The following VPS13B variants were observed in gnomAD, a reference collection of about 807,000 sequenced individuals.
The protein encoded by VPS13B is intermembrane lipid transfer protein VPS13B.
In VPS13B, 285 loss-of-function variants were observed where a neutral mutation model predicts 426.4. That is an observed-to-expected ratio of 0.67 (90% CI 0.61 to 0.74). VPS13B has a LOEUF of 0.74. VPS13B is among the 30% of genes least tolerant of loss of function. VPS13B has a pLI of 0.00. For missense variants in VPS13B, 4,537 were observed against 4,782.6 expected, an observed-to-expected ratio of 0.95 and a Z score of 1.51; for synonymous variants, 1,676 against 1,676.4, an observed-to-expected ratio of 1.00 and a Z score of 0.01.
intron 5 of VPS13B, among the ~76,000 whole-genome samples, chr8:99,110,757 T>C (rs1847316322): frequency 6.6e-6 from 1 of 151,930 alleles, no homozygotes; most frequent in East Asian, 1.9e-4. Context: ...TTAAGAATTT[T>C]ATTGTTATCT....
At chr8:99,327,100 T>A (rs1563669774) in intron 19 of VPS13B, among the ~76,000 whole-genome samples, 1 of 152,298 alleles carries the variant, frequency 6.6e-6, no homozygotes, top group Non-Finnish European at 1.5e-5. Flanking sequence ...TTCTTTAATC[T>A]TAAACAAAGG....
chr8:99,661,287 A>G, intron 34 of VPS13B, 67 bp from the exon 35 acceptor site: 1 of 1,590,302 alleles, frequency 6.3e-7, no homozygotes, highest in Non-Finnish European at 8.6e-7. Flanking sequence ...ATTAACTCAA[A>G]CTCATATATC....
chr8:99,736,827 A>G (rs1328600794), intron 39 of VPS13B, among the ~76,000 whole-genome samples: 1 of 152,182 alleles, frequency 6.6e-6, no homozygotes, highest in Non-Finnish European at 1.5e-5. Flanking sequence ...TTTATGTAAT[A>G]ATCTCGTTCA....
chr8:99,134,432 A>G (rs1809964121), intron 8 of VPS13B, among the ~76,000 whole-genome samples, 200 bp from the exon 9 acceptor site: 1 of 152,146 alleles, frequency 6.6e-6, no homozygotes, highest in South Asian at 2.1e-4. Context: ...AATTCTCTAT[A>G]TACGTTGAGA....
intron 17 of VPS13B, among the ~76,000 whole-genome samples, chr8:99,270,113 T>A (rs1254515939): frequency 3.5e-5 from 5 of 141,292 alleles, no homozygotes; most frequent in African/African-American, 1.3e-4. Flanking sequence ...TTTATATAGG[T>A]ATATAAGATA....
At chr8:99,442,977 T>G (rs1430247609) in intron 23 of VPS13B, among the ~76,000 whole-genome samples, 1 of 152,126 alleles carries the variant, frequency 6.6e-6, no homozygotes, top group Non-Finnish European at 1.5e-5. Context: ...TTAAGTTACT[T>G]GATTTATGAA....
At chr8:99,157,956 G>A (rs758296138) in intron 15 of VPS13B, among the ~76,000 whole-genome samples, 3 of 152,206 alleles carry the variant, frequency 2.0e-5, no homozygotes, top group Non-Finnish European at 4.4e-5. Flanking sequence ...CTTCAATTCT[G>A]TAAATGCTGA....
At position 99,723,754 on chromosome 8, in the gene VPS13B, G is replaced by A. The variant is rs549422258; in HGVS notation, c.7050+2707G>A. On this transcript the variant is annotated intron_variant, in intron 39 of 61. Transcript: ENST00000357162. ...CAAGCAAAGAGTTGGTATCAAAAAG[G>A]TCTTGCTATGTTTCATATTTTGTTG... Among the ~76,000 whole-genome samples the A allele has an allele frequency of 1.2e-4, 18 of 152,238 alleles. No homozygotes were observed. In the South Asian group the frequency reaches 3.5e-3, roughly 30 times the overall value.
chr8:99,423,253 G>C (rs1816478552), intron 21 of VPS13B, among the ~76,000 whole-genome samples: 1 of 151,624 alleles, frequency 6.6e-6, no homozygotes, highest in African/African-American at 2.4e-5. Context: ...TATAGAAAAA[G>C]TATGTGTGAA....
At chr8:99,744,482 A>G (rs564775833) in intron 39 of VPS13B, among the ~76,000 whole-genome samples, 127 of 152,362 alleles carry the variant, frequency 8.3e-4, no homozygotes, top group African/African-American at 2.9e-3. Flanking sequence ...ATATACCCAA[A>G]GGATTATAAA....
At position 99,291,847 on chromosome 8, in the gene VPS13B, T is replaced by C. The variant is rs541225633; in HGVS notation, c.2824+16593T>C. Among the ~76,000 whole-genome samples the C allele has an allele frequency of 2.6e-5, 4 of 152,232 alleles. No homozygotes were observed. The South Asian group carries it at 8.3e-4, about 32-fold the overall frequency. On this transcript the variant is annotated intron_variant, in intron 19 of 61. Transcript: ENST00000357162. ...GTTTTCTTTTAAATGGTAATTATTA[T>C]TGGATGAAGACAATATTCCCATAAA...
intron 19 of VPS13B, among the ~76,000 whole-genome samples, chr8:99,301,760 C>G (rs575056683): frequency 6.6e-6 from 1 of 152,066 alleles, no homozygotes; most frequent in African/African-American, 2.4e-5. Flanking sequence ...AATGGATATA[C>G]GTTTGTGTTT....
intron 2 of VPS13B, among the ~76,000 whole-genome samples, chr8:99,033,788 C>T (rs1395055011): frequency 1.3e-5 from 2 of 151,714 alleles, no homozygotes; most frequent in Non-Finnish European, 2.9e-5. Context: ...CTCAGCTATT[C>T]GGGAGGCTGA....
chr8:99,251,724 C>G (rs1817521501), intron 17 of VPS13B, among the ~76,000 whole-genome samples: 1 of 151,906 alleles, frequency 6.6e-6, no homozygotes, highest in Non-Finnish European at 1.5e-5. Context: ...TTTCTGTGTC[C>G]TGAAAGATAT....
In VPS13B at chr8:99,556,658, GAAATGATTGAGAAA is replaced by G. The variant is rs772683760; in HGVS notation, c.4949+6_4949+19del. ...TGAGTGGAATATGGCCAGCAGGTAG[GAAATGATTGAGAAA>G]CTTTCTACTCTTTCTAATACTTCAT... On this transcript the variant is annotated splice_donor_region_variant and intron_variant, in intron 31 of 61. Coordinates refer to ENST00000357162, the MANE Select transcript of VPS13B (RefSeq NM_152564.5). The G allele has an allele frequency of 9.9e-6, 16 of 1,612,064 alleles. No individual in the cohort carries two copies. The East Asian group carries it at 3.6e-4, about 36-fold the overall frequency.
chr8:99,859,503 A>G, intron 57 of VPS13B, 23 bp downstream of exon 57: 1 of 1,611,330 alleles, frequency 6.2e-7, no homozygotes. Flanking sequence ...GTTCCTTGTA[A>G]TAATGCCTTC....
intron 3 of VPS13B, among the ~76,000 whole-genome samples, chr8:99,062,992 T>C (rs1844273438): frequency 6.6e-6 from 1 of 152,198 alleles, no homozygotes; most frequent in South Asian, 2.1e-4. Flanking sequence ...TTCCTTTATT[T>C]ACTTATTTTT....
intron 3 of VPS13B, 128 bp from the exon 4 acceptor site, chr8:99,096,184 C>G: frequency 3.6e-6 from 4 of 1,106,990 alleles, no homozygotes; most frequent in African/African-American, 1.6e-5. Context: ...GTTTTTAGAG[C>G]TAAAAAATAA....
At chr8:99,821,090 G>A (rs1159420754) in intron 49 of VPS13B, among the ~76,000 whole-genome samples, 9 of 110,104 alleles carry the variant, frequency 8.2e-5, no homozygotes, top group African/African-American at 2.1e-4. Context: ...TAGAATGTAC[G>A]TTGTCATTAC....
Sources: allele counts gnomAD v4.1 joint callset (sites outside exome capture counted in the v4.1 genomes callset), GRCh38; gene constraint gnomAD v4.1.1; transcripts MANE v1.5; gene names NCBI Gene and HGNC (gene_info 2026-07-23, HGNC 2026-07-21).